UHRF2: variants seen among roughly 807,000 people sequenced by gnomAD.
UHRF2 encodes ubiquitin like with PHD and ring finger domains 2.
Under a neutral mutation model 96.8 loss-of-function variants are expected in UHRF2, and 23 were observed. The ratio of observed to expected loss-of-function variants is 0.24; its 90% CI spans 0.17 to 0.34. The LOEUF is 0.34. Among genes scored for constraint, UHRF2 ranks in the 10% least tolerant of loss-of-function variants. The probability of loss-of-function intolerance (pLI) is 1.00; values close to 1 mark genes in which losing one functional copy is unlikely to be tolerated. For missense variants in UHRF2, 685 were observed against 981.5 expected (o/e 0.70, Z 4.04); for synonymous variants, 385 against 332.6 (o/e 1.16, Z -1.72).
At chr9:6,481,461 T>G (rs1335382869) in intron 6 of UHRF2, among the ~76,000 whole-genome samples, 182 bp from the exon 7 acceptor site, 1 of 152,208 alleles carries the variant, frequency 6.6e-6, no homozygotes, top group Non-Finnish European at 1.5e-5. Context: ...AGGATATTTT[T>G]AAAGCCAGCC....
At chr9:6,451,033 T>TTAAC (rs1563766406) in intron 3 of UHRF2, among the ~76,000 whole-genome samples, 1 of 152,218 alleles carries the variant, frequency 6.6e-6, no homozygotes, top group Non-Finnish European at 1.5e-5. Context: ...GGGTTACAAC[T>TTAAC]TAACCTCTGT....
chr9:6,504,453 TTCA>T (rs1258008321), intron 14 of UHRF2, 137 bp from the exon 15 acceptor site: 2 of 564,494 alleles, frequency 3.5e-6, no homozygotes, highest in Non-Finnish European at 6.3e-6. Flanking sequence ...AATTGGAATG[TTCA>T]TCACTATAAA....
At chr9:6,446,544 A>G (rs1445715106) in intron 3 of UHRF2, among the ~76,000 whole-genome samples, 1 of 151,928 alleles carries the variant, frequency 6.6e-6, no homozygotes, top group African/African-American at 2.4e-5. Context: ...GCCCCGGTCT[A>G]CATACTCTTA....
At chr9:6,469,317 A>G (rs1041785361) in intron 4 of UHRF2, among the ~76,000 whole-genome samples, 2 of 152,128 alleles carry the variant, frequency 1.3e-5, no homozygotes, top group African/African-American at 4.8e-5. Context: ...CAGGAGATCA[A>G]GACTATCCTG....
At chr9:6,464,743 C>G (rs570454931) in intron 4 of UHRF2, among the ~76,000 whole-genome samples, 1 of 152,184 alleles carries the variant, frequency 6.6e-6, no homozygotes, top group South Asian at 2.1e-4. Context: ...TTTGACTTCT[C>G]TATTCTGTAC....
chr9:6,505,282 C>CGT lies in UHRF2; in HGVS notation c.2262+604_2262+605dup, dbSNP rs150172022. On this transcript the variant is annotated intron_variant, in intron 15 of 15. Transcript: ENST00000276893. ...TAGTGCTGCTAAATATATATATATG[C>CGT]GTGTGTGTGTGTGTATATATATATA... Among the ~76,000 whole-genome samples the CGT allele has an allele frequency of 9.5e-3, 1,435 of 150,866 alleles. 8 individuals are homozygous for CGT. The highest frequency in any genetic ancestry group is 0.029 in the African/African-American group (1,199 of 41,086).
chr9:6,460,626 C>G lies in UHRF2; in HGVS notation c.698C>G (p.Ala233Gly), dbSNP rs912639452. The G allele has an allele frequency of 1.2e-6, 2 of 1,612,616 alleles. No individual in the cohort carries two copies. Among genetic ancestry groups the G allele is most frequent in the African/African-American group, 2.7e-5 (2 of 74,874 alleles). ...EMNVKDLRPR[A>G]RTILKWNELN... ...AATGTCAAGGATCTTAGACCACGAG[C>G]TAGAACCATTTTGAAATGGAATGAA... Residue 233 changes from alanine to glycine, a missense_variant, in exon 4 of 16, where the codon GCT (alanine) becomes GGT (glycine). By Grantham distance (60) the Ala-to-Gly change is moderately conservative (BLOSUM62 0). This residue lies in a region of UHRF2 where 391 missense variants were observed against 437.0 expected (regional missense o/e 0.89). Transcript: ENST00000276893.
Position 6,420,900 on chromosome 9 carries a change from T to G in UHRF2, c.154-12T>G, listed in dbSNP as rs1819895829. 6.3e-7 allele frequency: 1 copy of G among 1,599,744 alleles called. No individual in the cohort carries two copies. The highest frequency in any genetic ancestry group is 1.3e-5 in the African/African-American group (1 of 74,604). The stretch of plus-strand genomic sequence containing the variant: ...TAGAGAAGCATTTCACTATTCTTTC[T>G]TTATTTTCTAGTTGGAAAATGGATA... On this transcript the variant is annotated splice_polypyrimidine_tract_variant and intron_variant, in intron 1 of 15. Coordinates refer to ENST00000276893, the MANE Select transcript of UHRF2 (RefSeq NM_152896.3).
rs138880844 is a variant in UHRF2, at chr9:6,491,592, G to A, written c.1498-2234G>A. On this transcript the variant is annotated intron_variant, in intron 9 of 15. Transcript: ENST00000276893. ...TTTATCTGATAGTCTATAGGGAGGA[G>A]GCTGAGAAGTTTGGGATAAAGGTCT... Among the ~76,000 whole-genome samples the A allele has an allele frequency of 2.0e-3, 311 of 152,314 alleles. 3 individuals are homozygous for A. In the South Asian group the frequency reaches 0.024, roughly 12 times the overall value.
chr9:6,500,194 C>T (rs1171369674), intron 13 of UHRF2, among the ~76,000 whole-genome samples: 1 of 152,116 alleles, frequency 6.6e-6, no homozygotes, highest in African/African-American at 2.4e-5. Context: ...TCTTGAACTC[C>T]TGGGCTGAAG....
chr9:6,446,638 C>T (rs1316870177), intron 3 of UHRF2, among the ~76,000 whole-genome samples: 7 of 151,476 alleles, frequency 4.6e-5, no homozygotes, highest in Non-Finnish European at 1.0e-4. Context: ...CACTTGGGGA[C>T]GACAGGCGTT....
chr9:6,421,293 T>C, intron 2 of UHRF2, 151 bp downstream of exon 2: 2 of 658,178 alleles, frequency 3.0e-6, no homozygotes, highest in Non-Finnish European at 5.2e-6. Flanking sequence ...CTTTTAAAAA[T>C]TGATATGAAA....
At chr9:6,429,087 C>A (rs552013660) in intron 2 of UHRF2, among the ~76,000 whole-genome samples, 6 of 151,950 alleles carry the variant, frequency 3.9e-5, no homozygotes, top group Non-Finnish European at 8.8e-5. Context: ...ATTGCTTGTA[C>A]CTGGGAGGCA....
At chr9:6,488,698 C>G (rs1223788737) in intron 9 of UHRF2, among the ~76,000 whole-genome samples, 2 of 151,602 alleles carry the variant, frequency 1.3e-5, no homozygotes, top group Non-Finnish European at 2.9e-5. Flanking sequence ...GATGGGGTTT[C>G]TCCATATTGG....
At chr9:6,439,064 A>C (rs1284141902) in intron 3 of UHRF2, among the ~76,000 whole-genome samples, 3 of 151,824 alleles carry the variant, frequency 2.0e-5, no homozygotes, top group Non-Finnish European at 4.4e-5. Flanking sequence ...TACAGATACA[A>C]ACACTAAGTT....
intron 2 of UHRF2, chr9:6,422,556 A>C: frequency 2.1e-6 from 1 of 485,096 alleles, no homozygotes; most frequent in Non-Finnish European, 3.9e-6. Flanking sequence ...ACATCTTTAC[A>C]ATGTTGAGTC....
Position 6,493,816 on chromosome 9 carries a change from T to A in UHRF2, c.1498-10T>A. 1.2e-6 allele frequency: 2 copies of A among 1,604,990 alleles called. No homozygotes were observed. On this transcript the variant is annotated splice_polypyrimidine_tract_variant and intron_variant, in intron 9 of 15. Transcript: ENST00000276893. ...TTAGCTTTCTTAATAAAGAAAATCT[T>A]CTCTGACAGGACCGAGGTGATGAGT...
intron 1 of UHRF2, 160 bp downstream of exon 1, chr9:6,413,803 T>G: frequency 1.1e-6 from 1 of 914,266 alleles, no homozygotes; most frequent in Non-Finnish European, 1.5e-6. Flanking sequence ...CGGGGCCCAG[T>G]CCCGCCGAAT....
chr9:6,426,988 A>ATCACCTCAGGTGG (rs888456746), intron 2 of UHRF2, among the ~76,000 whole-genome samples: 1 of 151,728 alleles, frequency 6.6e-6, no homozygotes, highest in African/African-American at 2.4e-5. Context: ...ACCTCAGGTG[A>ATCACCTCAGGTGG]TCACCTGCCT....
Sources: allele counts gnomAD v4.1 joint callset (sites outside exome capture counted in the v4.1 genomes callset), GRCh38; gene constraint gnomAD v4.1.1; regional missense constraint gnomAD v4.1.1; transcripts MANE v1.5; gene names NCBI Gene and HGNC (gene_info 2026-07-23, HGNC 2026-07-21).